The following SNRNP48 variants were observed in gnomAD, a reference collection of about 807,000 sequenced individuals.
SNRNP48 encodes small nuclear ribonucleoprotein U11/U12 subunit 48, also known as U11/U12 small nuclear ribonucleoprotein 48 kDa protein.
A neutral mutation model predicts 47.0 loss-of-function variants in SNRNP48; 43 were observed. That is an observed-to-expected ratio of 0.92 (90% confidence interval 0.72 to 1.18). The LOEUF (loss-of-function observed/expected upper bound fraction) is 1.18. Ranked by LOEUF, SNRNP48 falls within the 50% of genes most tolerant of loss-of-function variation. SNRNP48 has a pLI of 0.00. For synonymous variants in SNRNP48, 138 were observed against 144.0 expected, an observed-to-expected ratio of 0.96 and a Z score of 0.30; for missense variants, 396 against 422.2, an observed-to-expected ratio of 0.94 and a Z score of 0.54.
At chr6:7,607,844 G>A (rs1760161052) in intron 8 of SNRNP48, among the ~76,000 whole-genome samples, 1 of 152,182 alleles carries the variant, frequency 6.6e-6, no homozygotes, top group Non-Finnish European at 1.5e-5. Flanking sequence ...TATTGGTTTG[G>A]TAATTTTGTT....
chr6:7,598,338 T>C (rs1380660935), intron 4 of SNRNP48, among the ~76,000 whole-genome samples: 3 of 151,800 alleles, frequency 2.0e-5, no homozygotes, highest in Middle Eastern at 3.4e-3. Flanking sequence ...CTACTAAAAA[T>C]ACAAAAATTA....
In SNRNP48 at chr6:7,608,813, C is replaced by A; in HGVS notation, c.972-12C>A. 6.8e-7 allele frequency: 1 copy of A among 1,473,690 alleles called. No homozygotes were observed. The allele number at this position is 1,473,690 out of a possible 1,614,324, so 91.3% of individuals were successfully genotyped here. A position where few individuals can be genotyped will look rare whatever the true frequency, so the allele number is the denominator to read the frequency against. Reference sequence around the variant, plus strand: ...CATTTATAACCATTTTTTTATACCTCTTTTATTTCAGGGATGGGGAAAGAC... The same window carrying A: ...CATTTATAACCATTTTTTTATACCTATTTTATTTCAGGGATGGGGAAAGAC... On this transcript the variant is annotated splice_polypyrimidine_tract_variant and intron_variant, in intron 8 of 8. Transcript: ENST00000342415.
chr6:7,603,020 A>T (rs186873003), intron 6 of SNRNP48, among the ~76,000 whole-genome samples: 167 of 152,336 alleles, frequency 1.1e-3, no homozygotes, highest in Non-Finnish European at 9.8e-4. Context: ...GTTTGGGTTT[A>T]GGTAGACCAT....
chr6:7,604,047 T>C (rs1760081849), intron 6 of SNRNP48, among the ~76,000 whole-genome samples: 1 of 151,274 alleles, frequency 6.6e-6, no homozygotes, highest in African/African-American at 2.4e-5. Context: ...AGAAAAGCAT[T>C]TGAGGGAAAG....
At chr6:7,607,635 C>T (rs1417008403) in intron 8 of SNRNP48, among the ~76,000 whole-genome samples, 1 of 152,152 alleles carries the variant, frequency 6.6e-6, no homozygotes, top group Non-Finnish European at 1.5e-5. Flanking sequence ...ATCATCTTTT[C>T]CATTTTGTTG....
intron 4 of SNRNP48, among the ~76,000 whole-genome samples, chr6:7,599,111 T>G (rs1561713059): frequency 6.6e-6 from 1 of 152,236 alleles, no homozygotes; most frequent in Non-Finnish European, 1.5e-5. Flanking sequence ...CAAGTCATGT[T>G]ACTTCTATGA....
At position 7,610,215 on chromosome 6, in the gene SNRNP48, T is replaced by G. The variant is rs893460239; in HGVS notation, c.*1342T>G. 1.3e-5 allele frequency: 2 copies of G among 152,214 alleles called. No individual in the cohort carries two copies. The highest frequency in any genetic ancestry group is 2.9e-5 in the Non-Finnish European group (2 of 68,036). The allele number at this position is 152,214 out of a possible 1,614,324, so 9.4% of individuals were successfully genotyped here. ...TCAGGTTAAAGATTTTGTTTCCAAG[T>G]AGAAATGAAATCTTATTATTTTAAT... On this transcript the variant is annotated 3_prime_UTR_variant, in exon 9 of 9. Transcript: ENST00000342415.
At chr6:7,596,750 G>A (rs1289908784) in intron 4 of SNRNP48, among the ~76,000 whole-genome samples, 1 of 152,204 alleles carries the variant, frequency 6.6e-6, no homozygotes, top group Non-Finnish European at 1.5e-5. Context: ...TATTCGGAGA[G>A]ATTACTGAGC....
Position 7,605,403 on chromosome 6 carries a change from T to G in SNRNP48, c.723T>G (p.Ile241Met). The G allele has an allele frequency of 6.2e-7, 1 of 1,613,996 alleles. No homozygotes were observed. Residue 241 changes from isoleucine (I) to methionine (M), a missense_variant, in exon 7 of 9, where the codon ATT (isoleucine) becomes ATG (methionine). Ile to Met is a conservative substitution (Grantham distance 10). Transcript: ENST00000342415. Reference protein sequence around the residue: ...HITKKSYTEVIRDVINVHMEE... With the variant: ...HITKKSYTEVMRDVINVHMEE... ...CGGTGCTTACCTCTCCCAAGGTGAT[T>G]CGAGATGTGATAAATGTGCACATGG...
chr6:7,595,115 C>T lies in SNRNP48; in HGVS notation c.406+14C>T, dbSNP rs1157779650. 3 of 1,552,576 alleles carry T rather than the reference C, an allele frequency of 1.9e-6. No individual in the cohort carries two copies. The highest frequency in any genetic ancestry group is 2.6e-6 in the Non-Finnish European group (3 of 1,151,184). On this transcript the variant is annotated intron_variant, in intron 4 of 8. Coordinates refer to ENST00000342415, the MANE Select transcript of SNRNP48 (RefSeq NM_152551.4). ...GTTATAATCAAAGTAAGTGGCATTA[C>T]AGTTTAAGTGAATTAAAGAATGAAA...
At chr6:7,595,379 T>TA (rs11459114) in intron 4 of SNRNP48, among the ~76,000 whole-genome samples, 40,098 of 145,288 alleles carry the variant, frequency 0.28, 6,327 homozygotes, top group African/African-American at 0.44. Context: ...TGTGGCTAAT[T>TA]AAAAAAATTA....
chr6:7,599,802 CATATT>C, intron 4 of SNRNP48: 1 of 1,230,502 alleles, frequency 8.1e-7, no homozygotes, highest in Non-Finnish European at 1.0e-6. Context: ...ATACCTGTCA[CATATT>C]ATAGTCTTGA....
intron 5 of SNRNP48, 96 bp downstream of exon 5, chr6:7,601,620 G>C: frequency 7.0e-6 from 9 of 1,282,112 alleles, no homozygotes; most frequent in Non-Finnish European, 9.4e-6. Flanking sequence ...CTTTGAGTTA[G>C]AGTAAAATGG....
At position 7,609,284 on chromosome 6, in the gene SNRNP48, G is replaced by A. The variant is rs1322425703; in HGVS notation, c.*411G>A. ...GCGGTTCTGTCCTCACCCCAGTGGT[G>A]ACTACTGTTTACCACTACACTGGTG... On this transcript the variant is annotated 3_prime_UTR_variant, in exon 9 of 9. Coordinates refer to ENST00000342415, the MANE Select transcript of SNRNP48 (RefSeq NM_152551.4). 1 of 152,570 alleles carries A rather than the reference G, an allele frequency of 6.6e-6. No individual in the cohort carries two copies. The highest frequency in any genetic ancestry group is 1.5e-5 in the Non-Finnish European group (1 of 68,296). 9.5% of individuals were successfully genotyped at this position (152,570 alleles called of 1,614,324 possible). A position where few individuals can be genotyped will look rare whatever the true frequency, so the allele number is the denominator to read the frequency against.
Position 7,593,849 on chromosome 6 carries a change from T to A in SNRNP48, c.270+2T>A. 6.5e-7 allele frequency: 1 copy of A among 1,543,554 alleles called. No individual in the cohort carries two copies. Among genetic ancestry groups the A allele is most frequent in the South Asian group, 1.2e-5 (1 of 81,440 alleles). ...ATGGGCTATACCAAAGAAGAAGAGG[T>A]ACCATATATTTACTATATTATATAT... is the stretch of plus-strand genomic sequence containing the variant. On this transcript the variant is annotated splice_donor_variant, in intron 2 of 8. Transcript: ENST00000342415. LOFTEE classifies it high-confidence loss of function.
chr6:7,599,211 A>G (rs941720259), intron 4 of SNRNP48, among the ~76,000 whole-genome samples: 8 of 152,286 alleles, frequency 5.3e-5, no homozygotes, highest in South Asian at 2.1e-4. Context: ...GACAACACCT[A>G]CTAGTACTAT....
At chr6:7,591,521 G>A (rs17143030) in intron 1 of SNRNP48, among the ~76,000 whole-genome samples, 40,741 of 151,984 alleles carry the variant, frequency 0.27, 5,720 homozygotes, top group African/African-American at 0.36. Flanking sequence ...ACCATTCATT[G>A]TTTATTGTAT....
intron 8 of SNRNP48, among the ~76,000 whole-genome samples, chr6:7,607,705 CT>C (rs1760157482): frequency 6.6e-6 from 1 of 152,220 alleles, no homozygotes; most frequent in Non-Finnish European, 1.5e-5. Context: ...CGCTGCTAGA[CT>C]GTGAGCTCCA....
Position 7,593,769 on chromosome 6 carries a change from T to C in SNRNP48, c.192T>C (p.His64=). ...TGATATGTCCATACGATTCCAATCA[T>C]CACATGCCTAAATCATCTTTGGCAA... ...EVVICPYDSN[H]HMPKSSLAKH... The change falls in exon 2 of 9, where the codon CAT becomes CAC. Residue 64 remains histidine (H), a synonymous_variant. Coordinates refer to ENST00000342415, the MANE Select transcript of SNRNP48 (RefSeq NM_152551.4). The C allele has an allele frequency of 6.2e-7, 1 of 1,602,170 alleles. No individual in the cohort carries two copies. Among genetic ancestry groups the C allele is most frequent in the Non-Finnish European group, 8.5e-7 (1 of 1,174,426 alleles).
Sources: gnomAD v4.1 joint callset for allele counts (sites outside exome capture counted in the v4.1 genomes callset) on GRCh38, gnomAD v4.1.1 for gene constraint, MANE v1.5 for transcripts, NCBI Gene and HGNC (gene_info 2026-07-23, HGNC 2026-07-21) for gene names.